The following NRG1 variants were observed in gnomAD, a reference collection of about 807,000 sequenced individuals.
NRG1 encodes neuregulin 1, also known as pro-neuregulin-1, membrane-bound isoform.
NRG1 carries 18 observed loss-of-function variants against 63.8 expected under a neutral mutation model. The observed-to-expected ratio is 0.28, with a 90% CI of 0.19 to 0.42. NRG1 has a LOEUF of 0.42. Ranked by LOEUF, NRG1 falls within the 10% of genes least tolerant of loss-of-function variation. The probability of loss-of-function intolerance (pLI) is 1.00; values close to 1 mark genes in which losing one functional copy is unlikely to be tolerated. For synonymous variants in NRG1, 302 were observed against 301.3 expected, an observed-to-expected ratio of 1.00 and a Z score of -0.02; for missense variants, 762 against 814.7, an observed-to-expected ratio of 0.94 and a Z score of 0.79.
intron 1 of NRG1, among the ~76,000 whole-genome samples, chr8:31,731,972 G>A (rs891372038): frequency 2.6e-5 from 4 of 152,180 alleles, no homozygotes; most frequent in African/African-American, 4.8e-5. Context: ...ATCAACCAGC[G>A]AATGTTAGGT....
rs1855245399 is a variant in NRG1 at position 32,652,030 on chromosome 8, C to T, written c.502+35145C>T. Among the ~76,000 whole-genome samples the T allele has an allele frequency of 1.3e-5, 2 of 152,124 alleles. 1 individual carries two copies. The highest frequency in any genetic ancestry group is 4.1e-4 in the South Asian group (2 of 4,828). ...AATTCTTTTATTAAAATATACTAAA[C>T]TCTGAAAAATGTGGCAAAATCCAAA... is the stretch of plus-strand genomic sequence containing the variant. On this transcript the variant is annotated intron_variant, in intron 5 of 11. Transcript: ENST00000356819.
intron 1 of NRG1, among the ~76,000 whole-genome samples, chr8:32,482,116 G>C (rs1281652830): frequency 6.6e-6 from 1 of 152,096 alleles, no homozygotes; most frequent in Non-Finnish European, 1.5e-5. Context: ...ACAGAATTAA[G>C]CACCTGCAAT....
At chr8:32,661,197 T>C (rs1317261694) in intron 5 of NRG1, among the ~76,000 whole-genome samples, 1 of 152,232 alleles carries the variant, frequency 6.6e-6, no homozygotes, top group Non-Finnish European at 1.5e-5. Context: ...TATGTGTATA[T>C]CTGAATTTAT....
intron 1 of NRG1, among the ~76,000 whole-genome samples, chr8:32,307,081 G>C (rs1011139207): frequency 4.7e-4 from 71 of 152,130 alleles, no homozygotes; most frequent in African/African-American, 1.6e-3. Context: ...GCACATTTTT[G>C]GTTTTGTTAA....
intron 1 of NRG1, among the ~76,000 whole-genome samples, chr8:32,322,808 G>C (rs538248789): frequency 9.2e-4 from 139 of 151,368 alleles, no homozygotes; most frequent in Non-Finnish European, 1.6e-3. Flanking sequence ...TTTTCAAAGA[G>C]TGAATTTCTC....
At chr8:32,099,469 G>T (rs946978477) in intron 1 of NRG1, 1 of 152,214 alleles carries the variant, frequency 6.6e-6, no homozygotes, top group Non-Finnish European at 1.5e-5. Context: ...GTTTGAATGT[G>T]CAGGTCTAGC....
chr8:32,502,467 C>CTTTTTTTTTTT (rs1339428510), intron 1 of NRG1, among the ~76,000 whole-genome samples: 1 of 146,062 alleles, frequency 6.8e-6, no homozygotes, highest in Non-Finnish European at 1.5e-5. Flanking sequence ...TAAGCTCATT[C>CTTTTTTTTTTT]TTTAAAACCT....
chr8:31,711,469 A>G (rs1417116521), intron 1 of NRG1, among the ~76,000 whole-genome samples: 2 of 152,186 alleles, frequency 1.3e-5, no homozygotes, highest in Non-Finnish European at 2.9e-5. Context: ...TTTTTGCTGG[A>G]CTACCTTACA....
chr8:32,460,273 T>C (rs543314327), intron 1 of NRG1, among the ~76,000 whole-genome samples: 1 of 152,342 alleles, frequency 6.6e-6, no homozygotes, highest in South Asian at 2.1e-4. Flanking sequence ...TTGTGGACTA[T>C]ATATCTGTAT....
At chr8:31,897,617 A>G (rs2129614812) in intron 1 of NRG1, among the ~76,000 whole-genome samples, 1 of 152,228 alleles carries the variant, frequency 6.6e-6, no homozygotes, top group Admixed American at 6.5e-5. Flanking sequence ...TCTTCTGCAT[A>G]ATGGGAACCC....
intron 1 of NRG1, among the ~76,000 whole-genome samples, chr8:32,346,346 A>C (rs1804893231): frequency 6.6e-6 from 1 of 150,894 alleles, no homozygotes; most frequent in East Asian, 1.9e-4. Flanking sequence ...TCTCCACCTC[A>C]TTTTACCCTT....
intron 9 of NRG1, among the ~76,000 whole-genome samples, chr8:32,756,921 C>G (rs749048575): frequency 6.6e-6 from 1 of 152,058 alleles, no homozygotes. Context: ...TACAGATAAC[C>G]GAGCAAAGAG....
chr8:31,901,078 A>G (rs1048223795), intron 1 of NRG1, among the ~76,000 whole-genome samples: 2 of 152,210 alleles, frequency 1.3e-5, no homozygotes, highest in Non-Finnish European at 2.9e-5. Context: ...CAAAATTTAG[A>G]CACTAATGAG....
At chr8:32,344,419 A>ATGTGTGTGTGTGTG (rs397956518) in intron 1 of NRG1, among the ~76,000 whole-genome samples, 1 of 57,422 alleles carries the variant, frequency 1.7e-5, no homozygotes, top group African/African-American at 5.3e-5. Context: ...GCGTGCATGC[A>ATGTGTGTGTGTGTG]TGTGTGTGTG....
chr8:32,181,531 T>G (rs1452174578), intron 1 of NRG1, among the ~76,000 whole-genome samples: 1 of 152,210 alleles, frequency 6.6e-6, no homozygotes, highest in Non-Finnish European at 1.5e-5. Flanking sequence ...TCTGGTAAGT[T>G]TTTCCAGGTT....
chr8:32,160,005 T>C (rs764368854), intron 1 of NRG1, among the ~76,000 whole-genome samples: 21 of 152,024 alleles, frequency 1.4e-4, no homozygotes, highest in Non-Finnish European at 5.9e-5. Context: ...TTGGGGAAAA[T>C]AAATAAGTAT....
At chr8:31,948,447 T>C (rs1008485048) in intron 1 of NRG1, among the ~76,000 whole-genome samples, 1 of 152,178 alleles carries the variant, frequency 6.6e-6, no homozygotes, top group Non-Finnish European at 1.5e-5. Context: ...GTATCCTGCA[T>C]TGATTTACAG....
chr8:31,823,117 C>CTTTTTTTTTTTTTTTT (rs147209584), intron 1 of NRG1, among the ~76,000 whole-genome samples: 2 of 77,964 alleles, frequency 2.6e-5, no homozygotes, highest in Non-Finnish European at 4.8e-5. Context: ...TGTCCTTGTT[C>CTTTTTTTTTTTTTTTT]TTTTTTTTTT....
At chr8:31,975,312 G>A (rs227766) in intron 1 of NRG1, among the ~76,000 whole-genome samples, 129,188 of 152,134 alleles carry the variant, frequency 0.85, 55,723 homozygotes, top group African/African-American at 0.96. Flanking sequence ...CCAAGGCTGA[G>A]ACCGCTGGCT....
Sources: gnomAD v4.1 joint callset for allele counts (sites outside exome capture counted in the v4.1 genomes callset) on GRCh38, gnomAD v4.1.1 for gene constraint, MANE v1.5 for transcripts, NCBI Gene and HGNC (gene_info 2026-07-23, HGNC 2026-07-21) for gene names.